The following LRRTM4 variants were observed in gnomAD, a reference collection of about 807,000 sequenced individuals.
LRRTM4 encodes leucine-rich repeat transmembrane neuronal protein 4.
In LRRTM4, 25 loss-of-function variants were observed where a neutral mutation model predicts 47.6. The ratio of observed to expected loss-of-function variants is 0.53; its 90% confidence interval spans 0.38 to 0.73. LRRTM4 has a LOEUF of 0.73. Among genes scored for constraint, LRRTM4 ranks in the 30% least tolerant of loss-of-function variants. LRRTM4 has a pLI of 0.00. For synonymous variants in LRRTM4, 311 were observed against 269.5 expected (o/e 1.15, Z -1.51); for missense variants, 638 against 713.4 (o/e 0.89, Z 1.20).
chr2:77,184,187 T>A (rs1457823986), intron 3 of LRRTM4, among the ~76,000 whole-genome samples: 1 of 152,052 alleles, frequency 6.6e-6, no homozygotes, highest in Non-Finnish European at 1.5e-5. Flanking sequence ...ATTTCAACAA[T>A]ATTTTTAATG....
chr2:77,052,575 A>ATT (rs113229609), intron 3 of LRRTM4, among the ~76,000 whole-genome samples: 157 of 148,898 alleles, frequency 1.1e-3, no homozygotes, highest in African/African-American at 3.7e-3. Flanking sequence ...TTCAACTGGT[A>ATT]TTTTTTTTTT....
chr2:77,204,410 T>C (rs78405818), intron 3 of LRRTM4, among the ~76,000 whole-genome samples: 5,205 of 151,862 alleles, frequency 0.034, 150 homozygotes, highest in African/African-American at 0.079. Context: ...AGCAACTAGA[T>C]GGACTACATT....
chr2:77,255,308 T>C (rs756436609), intron 3 of LRRTM4, among the ~76,000 whole-genome samples: 12 of 151,970 alleles, frequency 7.9e-5, no homozygotes, highest in Non-Finnish European at 1.6e-4. Context: ...AATAGGCTAA[T>C]GCACAATTAC....
At chr2:76,892,166 T>C (rs1673275619) in intron 3 of LRRTM4, among the ~76,000 whole-genome samples, 1 of 151,590 alleles carries the variant, frequency 6.6e-6, no homozygotes, top group African/African-American at 2.4e-5. Context: ...ATTCATATAC[T>C]TATTATATGA....
At chr2:76,779,479 C>A (rs1335052932) in intron 3 of LRRTM4, among the ~76,000 whole-genome samples, 2 of 146,128 alleles carry the variant, frequency 1.4e-5, no homozygotes, top group Non-Finnish European at 3.0e-5. Context: ...GGATAGTTAG[C>A]TCTTCTTGTT....
At chr2:77,352,110 T>C (rs2104298168) in intron 3 of LRRTM4, among the ~76,000 whole-genome samples, 2 of 152,290 alleles carry the variant, frequency 1.3e-5, no homozygotes, top group African/African-American at 4.8e-5. Context: ...AAGATTCTAT[T>C]ATTATAGGAC....
At chr2:77,264,601 A>G (rs949510940) in intron 3 of LRRTM4, among the ~76,000 whole-genome samples, 1 of 152,152 alleles carries the variant, frequency 6.6e-6, no homozygotes, top group Non-Finnish European at 1.5e-5. Flanking sequence ...TACCTCATTC[A>G]GTAGAAATAA....
At chr2:76,853,052 T>A (rs1438075451) in intron 3 of LRRTM4, among the ~76,000 whole-genome samples, 1 of 152,186 alleles carries the variant, frequency 6.6e-6, no homozygotes, top group East Asian at 1.9e-4. Flanking sequence ...ACTGACTTTA[T>A]AACTTGGTAC....
intron 3 of LRRTM4, among the ~76,000 whole-genome samples, chr2:76,824,190 A>G (rs746389447): frequency 6.6e-6 from 1 of 151,576 alleles, no homozygotes; most frequent in Admixed American, 6.6e-5. Context: ...ACTTTTTTCA[A>G]CAATCTATTA....
chr2:77,381,980 A>C (rs1318359590), intron 3 of LRRTM4, among the ~76,000 whole-genome samples: 1 of 152,096 alleles, frequency 6.6e-6, no homozygotes, highest in East Asian at 1.9e-4. Context: ...GGATATTAAT[A>C]AGCTATATGA....
At chr2:77,355,017 A>C in intron 3 of LRRTM4, among the ~76,000 whole-genome samples, 1 of 152,144 alleles carries the variant, frequency 6.6e-6, no homozygotes, top group East Asian at 1.9e-4. Context: ...ACTCTGTAAA[A>C]TCCTCTATTT....
At chr2:76,821,347 G>C (rs1671048939) in intron 3 of LRRTM4, among the ~76,000 whole-genome samples, 1 of 151,634 alleles carries the variant, frequency 6.6e-6, no homozygotes, top group Non-Finnish European at 1.5e-5. Context: ...CTTCAATCCA[G>C]TTGGAATTAA....
At chr2:77,174,316 C>T (rs1673133392) in intron 3 of LRRTM4, among the ~76,000 whole-genome samples, 1 of 152,156 alleles carries the variant, frequency 6.6e-6, no homozygotes, top group Admixed American at 6.5e-5. Context: ...CTTAAAAGAG[C>T]CACACGGACA....
At chr2:77,018,013 A>T (rs1037392304) in intron 3 of LRRTM4, among the ~76,000 whole-genome samples, 1 of 151,840 alleles carries the variant, frequency 6.6e-6, no homozygotes, top group Non-Finnish European at 1.5e-5. Flanking sequence ...TTTCTTATCC[A>T]TCTATGCGCA....
At chr2:76,828,214 T>G (rs539590217) in intron 3 of LRRTM4, among the ~76,000 whole-genome samples, 1 of 152,064 alleles carries the variant, frequency 6.6e-6, no homozygotes, top group East Asian at 1.9e-4. Context: ...GCATGCCGTT[T>G]AGGGCACTAC....
chr2:77,429,760 C>G (rs970893263), intron 3 of LRRTM4, among the ~76,000 whole-genome samples: 1 of 152,034 alleles, frequency 6.6e-6, no homozygotes. Flanking sequence ...TCTATTGAGA[C>G]AGGAGGAGTT....
At chr2:77,439,850 T>C (rs936204189) in intron 3 of LRRTM4, among the ~76,000 whole-genome samples, 4 of 152,128 alleles carry the variant, frequency 2.6e-5, no homozygotes, top group Non-Finnish European at 5.9e-5. Flanking sequence ...AATATCATAC[T>C]CTCATTTTAC....
chr2:76,839,246 A>G (rs1671604854), intron 3 of LRRTM4, among the ~76,000 whole-genome samples: 1 of 152,170 alleles, frequency 6.6e-6, no homozygotes, highest in Non-Finnish European at 1.5e-5. Context: ...CAGACATTTT[A>G]TCCTCAAATG....
rs117705266 is a variant in LRRTM4, at chr2:76,828,106, C to G, written c.1552-79190G>C. On this transcript the variant is annotated intron_variant, in intron 3 of 3. Transcript: ENST00000409884. The stretch of plus-strand genomic sequence containing the variant: ...AAAGACAGAATCATTTATTTGGTCA[C>G]TTCTTTGTTACTATCAATTTTTGAA... Among the ~76,000 whole-genome samples the G allele has an allele frequency of 1.9e-3, 288 of 152,022 alleles. 10 individuals carry two copies. In the East Asian group the frequency reaches 0.046, roughly 24 times the overall value.
Sources: gnomAD v4.1 joint callset for allele counts (sites outside exome capture counted in the v4.1 genomes callset) on GRCh38, gnomAD v4.1.1 for gene constraint, MANE v1.5 for transcripts, NCBI Gene and HGNC (gene_info 2026-07-23, HGNC 2026-07-21) for gene names.